Variants in DDX10 observed in about 807,000 individuals in gnomAD.
DDX10 encodes the protein probable ATP-dependent RNA helicase DDX10.
In DDX10, 74 loss-of-function variants were observed where a neutral mutation model predicts 104.3. That is an observed-to-expected ratio of 0.71 (90% CI 0.59 to 0.86). DDX10 has a LOEUF of 0.86. Ranked by LOEUF, DDX10 falls within the 40% of genes least tolerant of loss-of-function variation. The pLI, the probability that DDX10 is intolerant of heterozygous loss-of-function variation, is 0.00. For missense variants in DDX10, 952 were observed against 1,040.0 expected (o/e 0.92, Z 1.16); for synonymous variants, 351 against 353.4 (o/e 0.99, Z 0.08).
chr11:108,761,408 A>G (rs1164218455), intron 13 of DDX10, among the ~76,000 whole-genome samples: 12 of 152,104 alleles, frequency 7.9e-5, no homozygotes, highest in Non-Finnish European at 1.6e-4. Flanking sequence ...GGCAGTAACT[A>G]TTTGTGGTCC....
chr11:108,763,715 A>G (rs2094353384), intron 13 of DDX10, among the ~76,000 whole-genome samples: 1 of 152,234 alleles, frequency 6.6e-6, no homozygotes, highest in African/African-American at 2.4e-5. Context: ...CTCATTGGAT[A>G]GTAGATGCTA....
chr11:108,794,866 G>T (rs1183432486), intron 13 of DDX10, among the ~76,000 whole-genome samples: 3 of 143,244 alleles, frequency 2.1e-5, no homozygotes, highest in Non-Finnish European at 3.0e-5. Flanking sequence ...TCACTCTGTT[G>T]CCCAGGCTGG....
intron 10 of DDX10, among the ~76,000 whole-genome samples, chr11:108,715,632 C>A (rs180846313): frequency 6.6e-6 from 1 of 152,324 alleles, no homozygotes; most frequent in Non-Finnish European, 1.5e-5. Context: ...TGGTGTTAAT[C>A]CAAGTATTTC....
intron 17 of DDX10, chr11:108,918,347 A>C: frequency 3.0e-6 from 1 of 329,754 alleles, no homozygotes; most frequent in Non-Finnish European, 5.4e-6. Context: ...TATTTGATGC[A>C]CTAAAATCTG....
rs76765504 is a variant in DDX10, at chr11:108,693,352, A to G, written c.1139-164A>G. On this transcript the variant is annotated intron_variant, in intron 8 of 17. Coordinates refer to ENST00000322536, the MANE Select transcript of DDX10 (RefSeq NM_004398.4). ...CATTTTGTCAAGAGAAATGTTTACTATCTCTTGGTTCATGCAATTAATTTT... is the reference window on the plus strand; with the variant it reads ...CATTTTGTCAAGAGAAATGTTTACTGTCTCTTGGTTCATGCAATTAATTTT... 3.4e-3 allele frequency among the ~76,000 whole-genome samples: 516 copies of G among 152,322 alleles called. 2 individuals carry two copies. The highest frequency in any genetic ancestry group is 0.012 in the South Asian group (57 of 4,826).
chr11:108,929,864 G>A (rs1374613183), intron 17 of DDX10, among the ~76,000 whole-genome samples: 1 of 152,020 alleles, frequency 6.6e-6, no homozygotes, highest in East Asian at 1.9e-4. Context: ...TTCTGCCTAG[G>A]AATTTTAGTT....
At chr11:108,834,964 C>G (rs1473661674) in intron 13 of DDX10, among the ~76,000 whole-genome samples, 2 of 147,386 alleles carry the variant, frequency 1.4e-5, no homozygotes, top group East Asian at 4.0e-4. Flanking sequence ...TGTCTTAGCC[C>G]TAAAACAATT....
At chr11:108,824,473 T>C (rs1228853769) in intron 13 of DDX10, among the ~76,000 whole-genome samples, 2 of 152,112 alleles carry the variant, frequency 1.3e-5, no homozygotes, top group African/African-American at 4.8e-5. Context: ...TTTTTATTTT[T>C]TTGCTATGTA....
At chr11:108,894,865 T>C (rs959243697) in intron 16 of DDX10, among the ~76,000 whole-genome samples, 1 of 152,032 alleles carries the variant, frequency 6.6e-6, no homozygotes, top group Non-Finnish European at 1.5e-5. Flanking sequence ...AAACGTCCTT[T>C]ACTACTGGAA....
intron 13 of DDX10, chr11:108,729,851 A>G (rs1327665751): frequency 6.6e-6 from 1 of 152,234 alleles, no homozygotes; most frequent in African/African-American, 2.4e-5. Context: ...TTTGGTCTGC[A>G]AATTCTTTAA....
At chr11:108,910,049 G>T (rs1035658796) in intron 16 of DDX10, among the ~76,000 whole-genome samples, 1 of 150,242 alleles carries the variant, frequency 6.7e-6, no homozygotes, top group African/African-American at 2.5e-5. Context: ...GCAGGAAGAC[G>T]TATTAGGCAG....
intron 13 of DDX10, among the ~76,000 whole-genome samples, chr11:108,824,246 T>C (rs546294525): frequency 3.6e-4 from 55 of 152,286 alleles, no homozygotes; most frequent in African/African-American, 1.3e-3. Context: ...TTTCACTATG[T>C]TGGCCAGGCT....
intron 13 of DDX10, among the ~76,000 whole-genome samples, chr11:108,781,413 G>A (rs2094377950): frequency 6.6e-6 from 1 of 151,952 alleles, no homozygotes; most frequent in Non-Finnish European, 1.5e-5. Context: ...TTTTCCTCTG[G>A]GTATGAACCC....
chr11:108,728,957 C>T (rs532182652), intron 13 of DDX10, among the ~76,000 whole-genome samples: 2 of 152,238 alleles, frequency 1.3e-5, no homozygotes, highest in East Asian at 3.9e-4. Flanking sequence ...CTGTTGGATA[C>T]TTAGGTTAAT....
At chr11:108,858,173 TC>T (rs1729887684) in intron 16 of DDX10, among the ~76,000 whole-genome samples, 1 of 152,226 alleles carries the variant, frequency 6.6e-6, no homozygotes, top group South Asian at 2.1e-4. Context: ...GGATATCTTC[TC>T]CTTCATTGCT....
chr11:108,884,200 A>G (rs776452675), intron 16 of DDX10, among the ~76,000 whole-genome samples: 22 of 152,268 alleles, frequency 1.4e-4, no homozygotes, highest in Middle Eastern at 3.4e-3. Flanking sequence ...TTATTTACAT[A>G]TCTTCATCCT....
intron 13 of DDX10, among the ~76,000 whole-genome samples, chr11:108,817,699 A>G (rs1020572005): frequency 2.0e-5 from 3 of 152,202 alleles, no homozygotes; most frequent in African/African-American, 7.2e-5. Context: ...TTCGTATTTT[A>G]TCCCTCCTAA....
chr11:108,925,960 TA>T (rs1408504145), intron 17 of DDX10, among the ~76,000 whole-genome samples: 1 of 152,128 alleles, frequency 6.6e-6, no homozygotes, highest in Non-Finnish European at 1.5e-5. Context: ...TTTTGTCAGA[TA>T]GCTGGAACAT....
chr11:108,789,785 A>T (rs1565279028), intron 13 of DDX10, among the ~76,000 whole-genome samples: 1 of 152,194 alleles, frequency 6.6e-6, no homozygotes, highest in Non-Finnish European at 1.5e-5. Flanking sequence ...ATGATGAGAA[A>T]CCTGGATGAA....
Sources: allele counts gnomAD v4.1 joint callset (sites outside exome capture counted in the v4.1 genomes callset), GRCh38; gene constraint gnomAD v4.1.1; transcripts MANE v1.5; gene names NCBI Gene and HGNC (gene_info 2026-07-23, HGNC 2026-07-21).